NBEAL1: variants seen among roughly 807,000 people sequenced by gnomAD.
NBEAL1 encodes the protein neurobeachin-like protein 1.
Under a neutral mutation model 351.3 loss-of-function variants are expected in NBEAL1, and 273 were observed. The ratio of observed to expected loss-of-function variants is 0.78; its 90% CI spans 0.70 to 0.86. NBEAL1 has a LOEUF of 0.86. Among genes scored for constraint, NBEAL1 ranks in the 40% least tolerant of loss-of-function variants. The pLI is 0.00. For missense variants in NBEAL1, 2,961 were observed against 3,201.3 expected (o/e 0.92, Z 1.81); for synonymous variants, 1,050 against 1,086.4 (o/e 0.97, Z 0.66).
chr2:203,130,277 A>T, intron 24 of NBEAL1, 41 bp from the exon 25 acceptor site: 1 of 1,484,846 alleles, frequency 6.7e-7, no homozygotes. Context: ...GCTTGTATAT[A>T]TGAATGTGGT....
chr2:203,107,034 C>T (rs1431581355), intron 12 of NBEAL1, among the ~76,000 whole-genome samples: 1 of 152,128 alleles, frequency 6.6e-6, no homozygotes, highest in East Asian at 1.9e-4. Flanking sequence ...ATATCTGACT[C>T]CTCTTACCTA....
chr2:203,052,836 T>C (rs915809853), intron 4 of NBEAL1, among the ~76,000 whole-genome samples: 6 of 152,066 alleles, frequency 3.9e-5, no homozygotes, highest in Non-Finnish European at 8.8e-5. Flanking sequence ...TCCTTCCGCC[T>C]TGACCTCCCA....
chr2:203,210,066 T>G lies in NBEAL1; in HGVS notation c.7785+744T>G, dbSNP rs535112111. 5.3e-5 allele frequency among the ~76,000 whole-genome samples: 8 copies of G among 152,152 alleles called. No individual in the cohort carries two copies. In the East Asian group the frequency reaches 1.4e-3, roughly 26 times the overall value. Reference sequence around the variant, plus strand: ...ATGCCCAGCCTAAGCTTTTTCAATATTAAGAGTTTTGGGGGGCCGCGAGTG... The same window carrying G: ...ATGCCCAGCCTAAGCTTTTTCAATAGTAAGAGTTTTGGGGGGCCGCGAGTG... On this transcript the variant is annotated intron_variant, in intron 53 of 55. Transcript: ENST00000683969.
intron 12 of NBEAL1, among the ~76,000 whole-genome samples, chr2:203,106,312 C>A (rs893045846): frequency 6.6e-6 from 1 of 152,194 alleles, no homozygotes; most frequent in African/African-American, 2.4e-5. Context: ...TCCCTGTTTT[C>A]TGAAACATGC....
In NBEAL1 at chr2:203,218,718, A is replaced by G. The variant is rs2065922590; in HGVS notation, c.*1364A>G. 6.6e-6 allele frequency: 1 copy of G among 152,194 alleles called. No individual in the cohort carries two copies. The highest frequency in any genetic ancestry group is 1.5e-5 in the Non-Finnish European group (1 of 68,022). 9.4% of individuals were successfully genotyped at this position (152,194 alleles called of 1,614,324 possible). On this transcript the variant is annotated 3_prime_UTR_variant, in exon 56 of 56. Coordinates refer to ENST00000683969, the MANE Select transcript of NBEAL1 (RefSeq NM_001378026.1). ...ATTTCGCTTTCCTGTTGACCACAGT[A>G]TCCAGTGCCCTTTTCTTTATAATCT...
chr2:203,130,828 T>C (rs1475324627), intron 25 of NBEAL1, among the ~76,000 whole-genome samples: 1 of 152,178 alleles, frequency 6.6e-6, no homozygotes, highest in African/African-American at 2.4e-5. Flanking sequence ...AACTAAGTAC[T>C]TTTCATATAT....
rs1183481936 is a variant in NBEAL1 at position 203,107,472 on chromosome 2, C to T, written c.1322C>T (p.Ser441Phe). Residue 441 changes from serine to phenylalanine, a missense_variant, in exon 13 of 56, where the codon TCC becomes TTC. By Grantham distance (155) the Ser-to-Phe change is radical. Transcript: ENST00000683969. ...GYTHMLEVLK[S>F]LGQPPLELLK... ...ACACATATGCTTGAAGTATTAAAATCCCTGGGTCAGCCACCACTGGAATTA... is the reference window on the plus strand; with the variant it reads ...ACACATATGCTTGAAGTATTAAAATTCCTGGGTCAGCCACCACTGGAATTA... The T allele has an allele frequency of 2.6e-6, 4 of 1,551,286 alleles. No homozygotes were observed. The Admixed American group carries it at 7.9e-5, about 30-fold the overall frequency.
chr2:203,137,479 A>ACT (rs1291721475), intron 29 of NBEAL1, among the ~76,000 whole-genome samples: 11 of 152,006 alleles, frequency 7.2e-5, no homozygotes, highest in Non-Finnish European at 1.6e-4. Context: ...ACAGGGCAAG[A>ACT]CTCTCTGTAA....
chr2:203,031,173 G>T (rs1049822737), intron 2 of NBEAL1, among the ~76,000 whole-genome samples: 1 of 152,064 alleles, frequency 6.6e-6, no homozygotes, highest in Non-Finnish European at 1.5e-5. Context: ...CTAGTGATTT[G>T]GCAGTTTCTC....
At chr2:203,186,033 T>A (rs760460224) in intron 44 of NBEAL1, among the ~76,000 whole-genome samples, 1 of 152,188 alleles carries the variant, frequency 6.6e-6, no homozygotes, top group Non-Finnish European at 1.5e-5. Flanking sequence ...CCCACAACTC[T>A]TATCTCATTA....
At chr2:203,206,237 C>T (rs555604607) in intron 51 of NBEAL1, among the ~76,000 whole-genome samples, 1 of 152,172 alleles carries the variant, frequency 6.6e-6, no homozygotes, top group South Asian at 2.1e-4. Flanking sequence ...AAAACCAGTA[C>T]CATTACATAC....
intron 16 of NBEAL1, 43 bp from the exon 17 acceptor site, chr2:203,112,970 GAT>G: frequency 7.3e-7 from 1 of 1,377,660 alleles, no homozygotes; most frequent in East Asian, 2.6e-5. Context: ...TAAATATGAG[GAT>G]ATATGTTAAT....
At chr2:203,121,750 G>A (rs1023106199) in intron 18 of NBEAL1, among the ~76,000 whole-genome samples, 1 of 151,178 alleles carries the variant, frequency 6.6e-6, no homozygotes, top group African/African-American at 2.4e-5. Flanking sequence ...TTTCTAAGTG[G>A]GTGCTTTAGA....
intron 7 of NBEAL1, among the ~76,000 whole-genome samples, chr2:203,071,100 GTC>G (rs1026182730): frequency 3.3e-5 from 5 of 152,044 alleles, no homozygotes; most frequent in African/African-American, 4.8e-5. Flanking sequence ...AAAATTTTGT[GTC>G]TCTGTTCAAG....
rs1378640677 is a variant in NBEAL1, at chr2:203,107,493, A to G, written c.1343A>G (p.Glu448Gly). ...AAATCCCTGGGTCAGCCACCACTGGAATTACTTAAAGAACTTATGAATATG... is the reference window on the plus strand; with the variant it reads ...AAATCCCTGGGTCAGCCACCACTGGGATTACTTAAAGAACTTATGAATATG... ...VLKSLGQPPL[E>G]LLKELMNMAV... The change falls in exon 13 of 56, where the codon GAA (glutamate) becomes GGA (glycine). Residue 448 changes from glutamate (E) to glycine (G), a missense_variant. By Grantham distance (98) the Glu-to-Gly change is moderately conservative. Coordinates refer to ENST00000683969, the MANE Select transcript of NBEAL1 (RefSeq NM_001378026.1). The G allele has an allele frequency of 1.3e-6, 2 of 1,550,818 alleles. No homozygotes were observed. Among genetic ancestry groups the G allele is most frequent in the Admixed American group, 3.9e-5 (2 of 50,930 alleles).
At chr2:203,082,939 A>G (rs555352087) in intron 8 of NBEAL1, among the ~76,000 whole-genome samples, 17 of 152,320 alleles carry the variant, frequency 1.1e-4, no homozygotes, top group African/African-American at 4.1e-4. Context: ...TGTTTATAAA[A>G]TGATACCCTC....
intron 24 of NBEAL1, among the ~76,000 whole-genome samples, chr2:203,128,154 G>A (rs1378090882): frequency 6.6e-6 from 1 of 150,618 alleles, no homozygotes; most frequent in Admixed American, 6.6e-5. Flanking sequence ...GCACGATCTC[G>A]ACTCACTGCA....
At chr2:203,053,954 A>G (rs2061365287) in intron 4 of NBEAL1, among the ~76,000 whole-genome samples, 1 of 151,816 alleles carries the variant, frequency 6.6e-6, no homozygotes, top group African/African-American at 2.4e-5. Context: ...ATGCTTTTTT[A>G]AAAAAATTGA....
At chr2:203,111,956 A>G in intron 15 of NBEAL1, 23 bp from the exon 16 acceptor site, 1 of 1,540,870 alleles carries the variant, frequency 6.5e-7, no homozygotes, top group South Asian at 1.2e-5. Flanking sequence ...TTTATCCTTT[A>G]AATGTGTGTT....
Sources: allele counts gnomAD v4.1 joint callset (sites outside exome capture counted in the v4.1 genomes callset), GRCh38; gene constraint gnomAD v4.1.1; transcripts MANE v1.5; gene names NCBI Gene and HGNC (gene_info 2026-07-23, HGNC 2026-07-21).